The following TGM2 variants were observed in gnomAD, a reference collection of about 807,000 sequenced individuals.
TGM2 encodes protein-glutamine gamma-glutamyltransferase 2.
Under a neutral mutation model 75.6 loss-of-function variants are expected in TGM2, and 53 were observed. The ratio of observed to expected loss-of-function variants is 0.70; its 90% CI spans 0.56 to 0.88. The LOEUF is 0.88. Among genes scored for constraint, TGM2 ranks in the 40% least tolerant of loss-of-function variants. The pLI is 0.00. For missense variants in TGM2, 842 were observed against 928.5 expected (o/e 0.91, Z 1.21); for synonymous variants, 374 against 381.1 (o/e 0.98, Z 0.22).
chr20:38,153,131 C>T (rs1042626489), intron 3 of TGM2, among the ~76,000 whole-genome samples: 7 of 152,126 alleles, frequency 4.6e-5, no homozygotes, highest in Non-Finnish European at 8.8e-5. Flanking sequence ...ACGCATGGTC[C>T]CTGCGTGCCA....
chr20:38,128,819 C>T lies in TGM2; in HGVS notation c.*1400G>A, dbSNP rs1240592922. The T allele has an allele frequency of 6.6e-6, 1 of 152,306 alleles. No individual in the cohort carries two copies. Among genetic ancestry groups the T allele is most frequent in the Non-Finnish European group, 1.5e-5 (1 of 68,110 alleles). 9.4% of individuals were successfully genotyped at this position (152,306 alleles called of 1,614,324 possible). On this transcript the variant is annotated 3_prime_UTR_variant, in exon 13 of 13. Coordinates refer to ENST00000361475, the MANE Select transcript of TGM2 (RefSeq NM_004613.4). ...ACAACTCATGGGTTCCCCAAGCTTC[C>T]TCCGGGGCAGGGGCTATGTTTGGGG...
chr20:38,141,449 G>T, intron 7 of TGM2, 64 bp from the exon 8 acceptor site: 1 of 1,242,594 alleles, frequency 8.0e-7, no homozygotes, highest in South Asian at 1.3e-5. Flanking sequence ...CACCTCCCAC[G>T]GGCAGACCAT....
chr20:38,133,282 T>G (rs1446884423), intron 10 of TGM2: 1 of 173,096 alleles, frequency 5.8e-6, no homozygotes, highest in African/African-American at 2.3e-5. Context: ...ATTGGGAGAC[T>G]TGCCTCAGGC....
intron 6 of TGM2, among the ~76,000 whole-genome samples, chr20:38,144,236 A>T (rs1045852816): frequency 6.6e-6 from 1 of 152,168 alleles, no homozygotes; most frequent in African/African-American, 2.4e-5. Flanking sequence ...GCTGCTCACC[A>T]GCTGTATGAC....
chr20:38,139,447 C>A lies in TGM2; in HGVS notation c.1307G>T (p.Arg436Leu). Residue 436 changes from arginine (R) to leucine (L), a missense_variant, in exon 9 of 13, where the codon CGG becomes CTG. Transcript: ENST00000361475. ...TTTGTAGGTGTGGGTGATATCCTCC[C>A]GCTCGTCTCGGCCCACGCTCTTAGT... ...ISTKSVGRDE[R>L]EDITHTYKYP... 6.2e-7 allele frequency: 1 copy of A among 1,614,176 alleles called. No individual in the cohort carries two copies. Among genetic ancestry groups the A allele is most frequent in the South Asian group, 1.1e-5 (1 of 91,076 alleles).
chr20:38,136,154 G>C (rs1199331380), intron 10 of TGM2, among the ~76,000 whole-genome samples: 2 of 152,190 alleles, frequency 1.3e-5, no homozygotes, highest in Non-Finnish European at 2.9e-5. Flanking sequence ...CCGGACAGTG[G>C]GTGTGCCCAG....
In TGM2 at chr20:38,130,160, C is replaced by G; in HGVS notation, c.*59G>C. ...AGAAGGGGCATATTTTGCTCACTAG[C>G]TTGGGATAAGGATTGGGATCAAGGT... On this transcript the variant is annotated 3_prime_UTR_variant, in exon 13 of 13. Coordinates refer to ENST00000361475, the MANE Select transcript of TGM2 (RefSeq NM_004613.4). 1 of 1,607,300 alleles carries G rather than the reference C, an allele frequency of 6.2e-7. No individual in the cohort carries two copies. The highest frequency in any genetic ancestry group is 8.5e-7 in the Non-Finnish European group (1 of 1,177,758).
At chr20:38,163,005 C>G (rs909821097) in intron 1 of TGM2, among the ~76,000 whole-genome samples, 4 of 152,186 alleles carry the variant, frequency 2.6e-5, no homozygotes, top group African/African-American at 9.7e-5. Context: ...TGTGACTCCT[C>G]CTCTGAAGTC....
chr20:38,150,995 A>C lies in TGM2; in HGVS notation c.496T>G (p.Phe166Val). 2 of 1,614,140 alleles carry C rather than the reference A, an allele frequency of 1.2e-6. No homozygotes were observed. The highest frequency in any genetic ancestry group is 2.2e-5 in the South Asian group (2 of 91,076). ...RQEYVLTQQG[F>V]IYQGSAKFIK... The stretch of plus-strand genomic sequence containing the variant: ...AACTTGGCCGAGCCCTGGTAGATAA[A>C]GCCCTGCTGGGTGAGGACATACTCC... The change falls in exon 4 of 13, where the codon TTT becomes GTT. Residue 166 changes from phenylalanine to valine, a missense_variant. Physicochemically the swap from Phe to Val is conservative, Grantham distance 50. Transcript: ENST00000361475.
chr20:38,154,461 C>T (rs1325129885), intron 3 of TGM2, among the ~76,000 whole-genome samples: 4 of 152,150 alleles, frequency 2.6e-5, no homozygotes, highest in African/African-American at 4.8e-5. Context: ...ATGGGAAAAT[C>T]GAGGCCTGGG....
chr20:38,130,396 A>G lies in TGM2; in HGVS notation c.1914-27T>C, dbSNP rs749570698. 3.2e-6 allele frequency: 5 copies of G among 1,568,208 alleles called. No homozygotes were observed. In the South Asian group the frequency reaches 5.9e-5, roughly 18 times the overall value. ...TGCAGGGAGAGAGGGGGTGGTGAGG[A>G]AAGGGGCCCAAGGCCTGGCTCCCGC... On this transcript the variant is annotated intron_variant, in intron 12 of 12. Transcript: ENST00000361475.
intron 8 of TGM2, among the ~76,000 whole-genome samples, chr20:38,140,139 G>T (rs575247923): frequency 6.6e-6 from 1 of 152,368 alleles, no homozygotes; most frequent in East Asian, 1.9e-4. Flanking sequence ...TCAGTGCCCC[G>T]CATGGGGCCA....
intron 10 of TGM2, 127 bp from the exon 11 acceptor site, chr20:38,132,627 C>G: frequency 7.6e-7 from 1 of 1,315,096 alleles, no homozygotes; most frequent in South Asian, 1.2e-5. Context: ...AATGGCTGGG[C>G]GGATCCCTGA....
rs948388663 is a variant in TGM2, at chr20:38,147,303, A to G, written c.682-409T>C. Among the ~76,000 whole-genome samples the G allele has an allele frequency of 2.6e-5, 4 of 152,056 alleles. No homozygotes were observed. In the East Asian group the frequency reaches 7.7e-4, roughly 29 times the overall value. ...AAATCAGCCTCCTGACCATGATCCA[A>G]GAGGCCCTTCTGGTCTCACCCCTGC... On this transcript the variant is annotated intron_variant, in intron 5 of 12. Coordinates refer to ENST00000361475, the MANE Select transcript of TGM2 (RefSeq NM_004613.4).
chr20:38,141,259 C>T lies in TGM2; in HGVS notation c.1099+23G>A, dbSNP rs772591174. On this transcript the variant is annotated intron_variant, in intron 8 of 12. Transcript: ENST00000361475. ...AGCCTCGTCTTCCCCATCTGTTTGA[C>T]GCGACAGTGCCCGCCCACGCACCTT... 1.3e-5 allele frequency: 20 copies of T among 1,541,016 alleles called. No individual in the cohort carries two copies. The Middle Eastern group carries it at 5.0e-4, about 39-fold the overall frequency.
intron 6 of TGM2, among the ~76,000 whole-genome samples, chr20:38,142,485 G>A (rs2074988674): frequency 6.6e-6 from 1 of 152,164 alleles, no homozygotes; most frequent in South Asian, 2.1e-4. Flanking sequence ...GGCCGAGGGG[G>A]GCCTGAGGTC....
chr20:38,138,122 G>C lies in TGM2; in HGVS notation c.1606C>G (p.Pro536Ala), dbSNP rs45556333. The stretch of plus-strand genomic sequence containing the variant: ...GAACACAGGGCTTTACCAGAGAAAG[G>C]CTCCAGGTTGAGGTTGAGCAGGTAC... ...TKYLLNLNLE[P>A]FSEKSVPLCI... is the part of the protein sequence containing the mutation. The change falls in exon 10 of 13, where the codon CCT becomes GCT. Residue 536 changes from proline to alanine, a missense_variant. Physicochemically the swap from Pro to Ala is conservative, Grantham distance 27. Transcript: ENST00000361475. 5.0e-6 allele frequency: 8 copies of C among 1,592,906 alleles called. No individual in the cohort carries two copies. The highest frequency in any genetic ancestry group is 3.5e-5 in the Admixed American group (2 of 57,390).
chr20:38,135,325 T>TA (rs2074885633), intron 10 of TGM2, among the ~76,000 whole-genome samples: 2 of 151,386 alleles, frequency 1.3e-5, no homozygotes, highest in African/African-American at 4.9e-5. Context: ...TGGGACTGGG[T>TA]CTCCAATGTC....
At position 38,127,962 on chromosome 20, in the gene TGM2, G is replaced by T. The variant is rs542482340; in HGVS notation, c.*2257C>A. ...TATTAGTGTATTTAAGAGATACGTG[G>T]TCCCTGCCTCGAGGGCTTCAGATAG... On this transcript the variant is annotated 3_prime_UTR_variant, in exon 13 of 13. Transcript: ENST00000361475. 1.3e-5 allele frequency: 2 copies of T among 152,280 alleles called. No individual in the cohort carries two copies. Among genetic ancestry groups the T allele is most frequent in the East Asian group, 3.9e-4 (2 of 5,188 alleles). The allele number at this position is 152,280 out of a possible 1,614,324, so 9.4% of individuals were successfully genotyped here. A position where few individuals can be genotyped will look rare whatever the true frequency, so the allele number is the denominator to read the frequency against.
Sources: allele counts gnomAD v4.1 joint callset (sites outside exome capture counted in the v4.1 genomes callset), GRCh38; gene constraint gnomAD v4.1.1; transcripts MANE v1.5; gene names NCBI Gene and HGNC (gene_info 2026-07-23, HGNC 2026-07-21).